The following ITFG1 variants were observed in gnomAD, a reference collection of about 807,000 sequenced individuals.
ITFG1 encodes the protein integrin alpha FG-GAP repeat containing 1.
A neutral mutation model predicts 81.8 loss-of-function variants in ITFG1; 34 were observed. The observed-to-expected ratio is 0.42, with a 90% CI of 0.32 to 0.55. The LOEUF (loss-of-function observed/expected upper bound fraction) is 0.55, where lower values mean the gene tolerates loss of function less well. ITFG1 is among the 20% of genes least tolerant of loss of function. The pLI, the probability that ITFG1 is intolerant of heterozygous loss-of-function variation, is 0.17. For missense variants in ITFG1, 672 were observed against 755.4 expected (o/e 0.89, Z 1.29); for synonymous variants, 285 against 270.6 (o/e 1.05, Z -0.52).
chr16:47,196,192 C>T (rs1341516982), intron 14 of ITFG1: 1 of 150,636 alleles, frequency 6.6e-6, no homozygotes, highest in African/African-American at 2.4e-5. Context: ...CAATGATATG[C>T]ATAAGTGTAG....
rs755413149 is a variant in ITFG1 at position 47,454,207 on chromosome 16, G to A, written c.282-49C>T. ...ATATCAGACAAGTTGTAATGGAAAA[G>A]GACAATTCTGTATTTCTACCACACA... On this transcript the variant is annotated intron_variant, in intron 2 of 17. Coordinates refer to ENST00000320640, the MANE Select transcript of ITFG1 (RefSeq NM_030790.5). 1.3e-5 allele frequency: 19 copies of A among 1,428,738 alleles called. No homozygotes were observed. In the South Asian group the frequency reaches 2.1e-4, roughly 16 times the overall value. The allele number at this position is 1,428,738 out of a possible 1,614,324, so 88.5% of individuals were successfully genotyped here.
intron 13 of ITFG1, among the ~76,000 whole-genome samples, chr16:47,225,804 G>C (rs1278523980): frequency 6.6e-6 from 1 of 152,104 alleles, no homozygotes; most frequent in Non-Finnish European, 1.5e-5. Flanking sequence ...GGGAATTCTG[G>C]CTGATCTGAA....
At chr16:47,295,000 T>C (rs1170542887) in intron 10 of ITFG1, among the ~76,000 whole-genome samples, 1 of 152,130 alleles carries the variant, frequency 6.6e-6, no homozygotes, top group African/African-American at 2.4e-5. Context: ...TGTGGGTTTG[T>C]TGTATATGGA....
chr16:47,417,956 C>G (rs976662669), intron 6 of ITFG1, among the ~76,000 whole-genome samples: 2 of 152,268 alleles, frequency 1.3e-5, no homozygotes, highest in African/African-American at 4.8e-5. Context: ...AACATCCATA[C>G]TGTTTTCCAT....
rs926082425 is a variant in ITFG1, at chr16:47,335,242, A to C, written c.803-21419T>G. 7.0e-4 allele frequency among the ~76,000 whole-genome samples: 106 copies of C among 152,274 alleles called. 2 individuals are homozygous for C. The highest frequency in any genetic ancestry group is 2.1e-4 in the South Asian group (1 of 4,818). On this transcript the variant is annotated intron_variant, in intron 8 of 17. Coordinates refer to ENST00000320640, the MANE Select transcript of ITFG1 (RefSeq NM_030790.5). ...CGTGGTGGTGGGCACCTGTAATCCC[A>C]GCTACTAGGGAGGCTGAGGCAGGAG...
intron 12 of ITFG1, among the ~76,000 whole-genome samples, chr16:47,246,653 G>A (rs894473547): frequency 6.6e-6 from 1 of 152,124 alleles, no homozygotes; most frequent in Non-Finnish European, 1.5e-5. Context: ...CGTGGGTTCT[G>A]GGCTCTGCTA....
intron 14 of ITFG1, among the ~76,000 whole-genome samples, chr16:47,183,796 T>C (rs1965167657): frequency 6.6e-6 from 1 of 152,194 alleles, no homozygotes; most frequent in South Asian, 2.1e-4. Context: ...AGAATGACTT[T>C]GACGAGCTGA....
rs148918084 is a variant in ITFG1 at position 47,155,521 on chromosome 16, A to C, written c.*198T>G. 1 of 426,518 alleles carries C rather than the reference A, an allele frequency of 2.3e-6. No individual in the cohort carries two copies. The highest frequency in any genetic ancestry group is 4.1e-6 in the Non-Finnish European group (1 of 242,946). 26.4% of individuals were successfully genotyped at this position (426,518 alleles called of 1,614,324 possible). ...ACAGCACTACAGAATAGAGAACCCA[A>C]ATTTTTATATACAAAGTGCTTTAAA... On this transcript the variant is annotated 3_prime_UTR_variant, in exon 18 of 18. Transcript: ENST00000320640.
chr16:47,194,940 G>C (rs900151439), intron 14 of ITFG1, among the ~76,000 whole-genome samples: 7 of 151,912 alleles, frequency 4.6e-5, no homozygotes, highest in Admixed American at 1.3e-4. Context: ...GCAACCCACT[G>C]TGGAGTTTGC....
intron 10 of ITFG1, among the ~76,000 whole-genome samples, chr16:47,294,562 G>A (rs1357343352): frequency 1.3e-5 from 2 of 152,004 alleles, no homozygotes; most frequent in East Asian, 3.8e-4. Flanking sequence ...TCCTTGTAGA[G>A]ATCTTTCAAC....
intron 14 of ITFG1, among the ~76,000 whole-genome samples, chr16:47,198,148 A>G (rs573312817): frequency 1.4e-3 from 206 of 152,338 alleles, no homozygotes; most frequent in Non-Finnish European, 2.5e-3. Flanking sequence ...AAAACTGTCT[A>G]ATCTTTTCTA....
Position 47,452,767 on chromosome 16 carries a change from T to C in ITFG1, c.451A>G (p.Asn151Asp), listed in dbSNP as rs771542280. The change falls in exon 4 of 18, where the codon AAT becomes GAT. Residue 151 changes from asparagine to aspartate, a missense_variant. This residue lies in a region of ITFG1 where 560 missense variants were observed against 625.7 expected (regional missense o/e 0.90). Transcript: ENST00000320640. ...AGTGGCTCATCTTGAAAAGTCCTAT[T>C]GAGTATGGTCATATTGTTAGGATCT... Reference protein sequence around the residue: ...TLDPNNMTILNRTFQDEPLIM... With the variant: ...TLDPNNMTILDRTFQDEPLIM... 6.3e-7 allele frequency: 1 copy of C among 1,582,452 alleles called. No individual in the cohort carries two copies. Among genetic ancestry groups the C allele is most frequent in the Non-Finnish European group, 8.6e-7 (1 of 1,160,076 alleles).
chr16:47,305,751 G>C (rs1369718729), intron 10 of ITFG1, among the ~76,000 whole-genome samples: 4 of 152,112 alleles, frequency 2.6e-5, no homozygotes, highest in African/African-American at 9.7e-5. Flanking sequence ...AAATAATTTT[G>C]AATCTAGAAT....
chr16:47,176,366 T>G (rs879585813), intron 14 of ITFG1, among the ~76,000 whole-genome samples: 7 of 151,516 alleles, frequency 4.6e-5, no homozygotes, highest in Admixed American at 1.3e-4. Context: ...AAAAGACAAT[T>G]TTTTTTTTGT....
chr16:47,181,249 G>C (rs928846797), intron 14 of ITFG1, among the ~76,000 whole-genome samples: 3 of 149,938 alleles, frequency 2.0e-5, no homozygotes, highest in Non-Finnish European at 4.5e-5. Flanking sequence ...GAAGTGAGGA[G>C]CCCCTCCGCC....
At chr16:47,348,105 T>C (rs1416770042) in intron 8 of ITFG1, among the ~76,000 whole-genome samples, 1 of 151,798 alleles carries the variant, frequency 6.6e-6, no homozygotes, top group Non-Finnish European at 1.5e-5. Flanking sequence ...ACCACAAAGA[T>C]GGGGAAAAAA....
chr16:47,459,352 A>T (rs1487898324), intron 1 of ITFG1, among the ~76,000 whole-genome samples, 177 bp from the exon 2 acceptor site: 2 of 152,204 alleles, frequency 1.3e-5, no homozygotes, highest in East Asian at 1.9e-4. Context: ...ACATTATATC[A>T]CAAGTTCAAT....
intron 14 of ITFG1, among the ~76,000 whole-genome samples, chr16:47,169,870 T>TTTAATTTAAAACACTA (rs1389226144): frequency 2.6e-5 from 4 of 152,196 alleles, no homozygotes; most frequent in Non-Finnish European, 5.9e-5. Flanking sequence ...CTATTCCTAG[T>TTTAATTTAAAACACTA]TTGCTGAGTG....
intron 10 of ITFG1, chr16:47,263,282 T>C (rs1386627901): frequency 2.3e-6 from 1 of 444,236 alleles, no homozygotes. Context: ...TGTGTATGCT[T>C]ATGGGGTTAT....
Sources: gnomAD v4.1 joint callset for allele counts (sites outside exome capture counted in the v4.1 genomes callset) on GRCh38, gnomAD v4.1.1 for gene constraint, gnomAD v4.1.1 regional missense constraint, MANE v1.5 for transcripts, NCBI Gene and HGNC (gene_info 2026-07-23, HGNC 2026-07-21) for gene names.